JUND: variants seen among roughly 807,000 people sequenced by gnomAD.
JUND encodes the protein JunD proto-oncogene, AP-1 transcription factor subunit, also known as transcription factor JunD.
In JUND, 2 loss-of-function variants were observed where a neutral mutation model predicts 7.1. The observed-to-expected ratio is 0.28, with a 90% CI of 0.11 to 0.88. The LOEUF is 0.88. Ranked by LOEUF, JUND falls within the 40% of genes least tolerant of loss-of-function variation. The pLI, the probability that JUND is intolerant of heterozygous loss-of-function variation, is 0.60. For missense variants in JUND, 479 were observed against 519.1 expected (o/e 0.92, Z 0.75); for synonymous variants, 335 against 263.2 (o/e 1.27, Z -2.64).
chr19:18,281,213 G>C lies in JUND; in HGVS notation c.272C>G (p.Pro91Arg). 6.6e-7 allele frequency: 1 copy of C among 1,509,328 alleles called. No individual in the cohort carries two copies. The highest frequency in any genetic ancestry group is 8.8e-7 in the Non-Finnish European group (1 of 1,135,780). The allele number at this position is 1,509,328 out of a possible 1,614,324, so 93.5% of individuals were successfully genotyped here. ...AAPPDGLLAS[P>R]DLGLLKLASP... Reference sequence around the variant, plus strand: ...GGCCAGCTTCAGCAGCCCCAGGTCGGGAGAGGCGAGCAGGCCGTCGGGGGG... The same window carrying C: ...GGCCAGCTTCAGCAGCCCCAGGTCGCGAGAGGCGAGCAGGCCGTCGGGGGG... The change falls in exon 1 of 1, where the codon CCC (proline) becomes CGC (arginine). Residue 91 changes from proline (P) to arginine (R), a missense_variant. Physicochemically the swap from Pro to Arg is moderately radical, Grantham distance 103. Transcript: ENST00000252818.
chr19:18,280,530 C>G lies in JUND; in HGVS notation c.955G>C (p.Glu319Gln), dbSNP rs1249554360. The G allele has an allele frequency of 1.9e-6, 3 of 1,611,326 alleles. No individual in the cohort carries two copies. Among genetic ancestry groups the G allele is most frequent in the South Asian group, 2.2e-5 (2 of 90,776 alleles). ...ELASTASLLR[E>Q]QVAQLKQKVL... Reference sequence around the variant, plus strand: ...TTCTGCTTGAGCTGCGCCACCTGCTCGCGCAGCAGGCTCGCCGTGGACGCC... The same window carrying G: ...TTCTGCTTGAGCTGCGCCACCTGCTGGCGCAGCAGGCTCGCCGTGGACGCC... The change falls in exon 1 of 1, where the codon GAG becomes CAG. Residue 319 changes from glutamate (E) to glutamine (Q), a missense_variant. By Grantham distance (29) the Glu-to-Gln change is conservative. Coordinates refer to ENST00000252818, the MANE Select transcript of JUND (RefSeq NM_005354.6). This position sits in a 1 kb window ranked among gnomAD's most constrained non-coding sequence, Gnocchi z 4.1.
In JUND at chr19:18,281,615, C is replaced by A. The variant is rs888678393; in HGVS notation, c.-131G>T. 5.5e-6 allele frequency: 1 copy of A among 182,226 alleles called. No homozygotes were observed. The highest frequency in any genetic ancestry group is 6.7e-5 in the Admixed American group (1 of 14,966). 11.3% of individuals were successfully genotyped at this position (182,226 alleles called of 1,614,324 possible). ...GCAGCGCCCGGCCCTCCACTGGCGG[C>A]GGCTCCTGCGCCGCGCCACTTGTGC... On this transcript the variant is annotated 5_prime_UTR_variant, in exon 1 of 1. Coordinates refer to ENST00000252818, the MANE Select transcript of JUND (RefSeq NM_005354.6).
At position 18,281,453 on chromosome 19, in the gene JUND, A is replaced by C; in HGVS notation, c.32T>G (p.Leu11Arg). 1 of 1,369,506 alleles carries C rather than the reference A, an allele frequency of 7.3e-7. No homozygotes were observed. The highest frequency in any genetic ancestry group is 3.2e-5 in the East Asian group (1 of 31,434). The allele number at this position is 1,369,506 out of a possible 1,614,324, so 84.8% of individuals were successfully genotyped here. METPFYGDEA[L>R]SGLGGGASGS... ...ACTGGCGCCGCCGCCCAGGCCGCTCAGCGCCTCATCGCCGTAGAAGGGTGT... is the reference window on the plus strand; with the variant it reads ...ACTGGCGCCGCCGCCCAGGCCGCTCCGCGCCTCATCGCCGTAGAAGGGTGT... The change falls in exon 1 of 1, where the codon CTG (leucine) becomes CGG (arginine). Residue 11 changes from leucine (L) to arginine (R), a missense_variant. This residue lies in a region of JUND where 374 missense variants were observed against 365.4 expected (regional missense o/e 1.02). Coordinates refer to ENST00000252818, the MANE Select transcript of JUND (RefSeq NM_005354.6).
chr19:18,280,258 G>GAGTCCGGGGCGCCCCTTCCC lies in JUND; in HGVS notation c.*182_*183insGGGAAGGGGCGCCCCGGACT, dbSNP rs1486096669. 5.5e-6 allele frequency: 3 copies of GAGTCCGGGGCGCCCCTTCCC among 542,770 alleles called. No homozygotes were observed. Among genetic ancestry groups the GAGTCCGGGGCGCCCCTTCCC allele is most frequent in the African/African-American group, 5.5e-5 (2 of 36,458 alleles). 33.6% of individuals were successfully genotyped at this position (542,770 alleles called of 1,614,324 possible). A position where few individuals can be genotyped will look rare whatever the true frequency, so the allele number is the denominator to read the frequency against. On this transcript the variant is annotated 3_prime_UTR_variant, in exon 1 of 1. Transcript: ENST00000252818. This position sits in a 1 kb window ranked among gnomAD's most constrained non-coding sequence, Gnocchi z 4.1. ...CCGGGAGCAGGGGGTCCAGCTTGTC[G>GAGTCCGGGGCGCCCCTTCCC]AGTCCTGGGCACCCTCGGGGGGGGG...
chr19:18,280,425 C>G lies in JUND; in HGVS notation c.*16G>C. The G allele has an allele frequency of 6.5e-7, 1 of 1,543,664 alleles. No individual in the cohort carries two copies. Among genetic ancestry groups the G allele is most frequent in the South Asian group, 1.2e-5 (1 of 84,324 alleles). On this transcript the variant is annotated 3_prime_UTR_variant, in exon 1 of 1. Coordinates refer to ENST00000252818, the MANE Select transcript of JUND (RefSeq NM_005354.6). The surrounding 1 kb of genome is among the most constrained non-coding windows in gnomAD (Gnocchi z 4.1). ...CCCTTGGGGAGGGTGGCCGCGCATGCGCCCCGCGCGCGGACTCAGTACGCG... is the reference window on the plus strand; with the variant it reads ...CCCTTGGGGAGGGTGGCCGCGCATGGGCCCCGCGCGCGGACTCAGTACGCG...
Position 18,280,363 on chromosome 19 carries a change from A to C in JUND, c.*78T>G. On this transcript the variant is annotated 3_prime_UTR_variant, in exon 1 of 1. Transcript: ENST00000252818. The surrounding 1 kb of genome is among the most constrained non-coding windows in gnomAD (Gnocchi z 4.1). The stretch of plus-strand genomic sequence containing the variant: ...GGTCCCCAGGGCCGCACCCTCTCCA[A>C]GTCCGGGGCGCCCACGACACCCCCC... 6 of 1,474,058 alleles carry C rather than the reference A, an allele frequency of 4.1e-6. No homozygotes were observed. The South Asian group carries it at 7.6e-5, about 19-fold the overall frequency. The allele number at this position is 1,474,058 out of a possible 1,614,324, so 91.3% of individuals were successfully genotyped here.
At position 18,281,432 on chromosome 19, in the gene JUND, G is replaced by T; in HGVS notation, c.53C>A (p.Ala18Asp). 7.3e-7 allele frequency: 1 copy of T among 1,366,474 alleles called. No homozygotes were observed. The highest frequency in any genetic ancestry group is 9.4e-7 in the Non-Finnish European group (1 of 1,065,202). The allele number at this position is 1,366,474 out of a possible 1,614,324, so 84.6% of individuals were successfully genotyped here. The change falls in exon 1 of 1, where the codon GCC becomes GAC. Residue 18 changes from alanine to aspartate, a missense_variant. Around this residue, in one of 3 missense-constraint regions of JUND, gnomAD observed 374 missense variants for 365.4 expected, o/e 1.02. Coordinates refer to ENST00000252818, the MANE Select transcript of JUND (RefSeq NM_005354.6). The stretch of plus-strand genomic sequence containing the variant: ...CGCGAAGCTGCCGCCGCTGCCACTG[G>T]CGCCGCCGCCCAGGCCGCTCAGCGC... ...DEALSGLGGGASGSGGSFASP... is the reference protein window; with the variant it reads ...DEALSGLGGGDSGSGGSFASP...
chr19:18,281,197 C>T lies in JUND; in HGVS notation c.288G>A (p.Leu96=), dbSNP rs2148122411. 6.6e-7 allele frequency: 1 copy of T among 1,526,008 alleles called. No homozygotes were observed. The highest frequency in any genetic ancestry group is 8.7e-7 in the Non-Finnish European group (1 of 1,144,782). 94.5% of individuals were successfully genotyped at this position (1,526,008 alleles called of 1,614,324 possible). The change falls in exon 1 of 1, where the codon CTG becomes CTA. Residue 96 remains leucine, a synonymous_variant. Coordinates refer to ENST00000252818, the MANE Select transcript of JUND (RefSeq NM_005354.6). ...GCTCGAGCTCGGGGGAGGCCAGCTTCAGCAGCCCCAGGTCGGGAGAGGCGA... is the reference window on the plus strand; with the variant it reads ...GCTCGAGCTCGGGGGAGGCCAGCTTTAGCAGCCCCAGGTCGGGAGAGGCGA... ...GLLASPDLGL[L]KLASPELERL... is the part of the protein sequence containing the mutation.
At position 18,281,331 on chromosome 19, in the gene JUND, G is replaced by A; in HGVS notation, c.154C>T (p.Leu52=). Reference sequence around the variant, plus strand: ...GCCGCCACCTGCTCACTCAGGCTCAGCGTCAGCGCGTCCTTCTTCATCATG... The same window carrying A: ...GCCGCCACCTGCTCACTCAGGCTCAACGTCAGCGCGTCCTTCTTCATCATG... ...GSMMKKDALT[L]SLSEQVAAAL... Residue 52 remains leucine (L), a synonymous_variant, in exon 1 of 1, where the codon CTG becomes TTG. Coordinates refer to ENST00000252818, the MANE Select transcript of JUND (RefSeq NM_005354.6). 1 of 1,358,130 alleles carries A rather than the reference G, an allele frequency of 7.4e-7. No homozygotes were observed. Among genetic ancestry groups the A allele is most frequent in the Non-Finnish European group, 9.4e-7 (1 of 1,065,098 alleles). The allele number at this position is 1,358,130 out of a possible 1,614,324, so 84.1% of individuals were successfully genotyped here.
In JUND at chr19:18,280,139, A is replaced by G; in HGVS notation, c.*302T>C. The G allele has an allele frequency of 2.9e-6, 1 of 345,630 alleles. No homozygotes were observed. The highest frequency in any genetic ancestry group is 5.3e-6 in the Non-Finnish European group (1 of 187,840). 21.4% of individuals were successfully genotyped at this position (345,630 alleles called of 1,614,324 possible). ...CCCCCTTCCGCGGCGCGGTGTACAA[A>G]GGGGCAGCCGAGACGCGCGGGTTTG... On this transcript the variant is annotated 3_prime_UTR_variant, in exon 1 of 1. Coordinates refer to ENST00000252818, the MANE Select transcript of JUND (RefSeq NM_005354.6). This position sits in a 1 kb window ranked among gnomAD's most constrained non-coding sequence, Gnocchi z 4.1.
At position 18,281,536 on chromosome 19, in the gene JUND, G is replaced by A. The variant is rs1270548060; in HGVS notation, c.-52C>T. On this transcript the variant is annotated 5_prime_UTR_variant, in exon 1 of 1. Transcript: ENST00000252818. ...CGGGGGGGAGTGGCCGCGGCCTCCC[G>A]GGGGGCCCGCGCCCCCCCGTCCGCT... 10 of 987,378 alleles carry A rather than the reference G, an allele frequency of 1.0e-5. No individual in the cohort carries two copies. Among genetic ancestry groups the A allele is most frequent in the African/African-American group, 5.2e-5 (3 of 57,182 alleles). The allele number at this position is 987,378 out of a possible 1,614,324, so 61.2% of individuals were successfully genotyped here.
rs1226508474 is a variant in JUND, at chr19:18,280,237, G to A, written c.*204C>T. On this transcript the variant is annotated 3_prime_UTR_variant, in exon 1 of 1. Coordinates refer to ENST00000252818, the MANE Select transcript of JUND (RefSeq NM_005354.6). The surrounding 1 kb of genome is among the most constrained non-coding windows in gnomAD (Gnocchi z 4.1). Reference sequence around the variant, plus strand: ...GGGGGTCATGCGCTCGCCCCCCCGGGAGCAGGGGGTCCAGCTTGTCGAGTC... The same window carrying A: ...GGGGGTCATGCGCTCGCCCCCCCGGAAGCAGGGGGTCCAGCTTGTCGAGTC... The A allele has an allele frequency of 5.1e-6, 1 of 195,102 alleles. No homozygotes were observed. The highest frequency in any genetic ancestry group is 5.0e-5 in the African/African-American group (1 of 19,950). The allele number at this position is 195,102 out of a possible 1,614,324, so 12.1% of individuals were successfully genotyped here. A position where few individuals can be genotyped will look rare whatever the true frequency, so the allele number is the denominator to read the frequency against.
chr19:18,280,463 T>C lies in JUND; in HGVS notation c.1022A>G (p.Gln341Arg). 1 of 1,566,142 alleles carries C rather than the reference T, an allele frequency of 6.4e-7. No individual in the cohort carries two copies. The highest frequency in any genetic ancestry group is 8.7e-7 in the Non-Finnish European group (1 of 1,155,948). ...HVNSGCQLLP[Q>R]HQVPAY ...GACTCAGTACGCGGGCACCTGGTGC[T>C]GGGGCAGCAGCTGGCAGCCGCTGTT... The change falls in exon 1 of 1, where the codon CAG (glutamine) becomes CGG (arginine). Residue 341 changes from glutamine (Q) to arginine (R), a missense_variant. Around this residue, in one of 3 missense-constraint regions of JUND, gnomAD observed 42 missense variants for 37.1 expected, o/e 1.13. Coordinates refer to ENST00000252818, the MANE Select transcript of JUND (RefSeq NM_005354.6). This position sits in a 1 kb window ranked among gnomAD's most constrained non-coding sequence, Gnocchi z 4.1.
Position 18,280,402 on chromosome 19 carries a change from C to G in JUND, c.*39G>C, listed in dbSNP as rs1378171017. On this transcript the variant is annotated 3_prime_UTR_variant, in exon 1 of 1. Transcript: ENST00000252818. The surrounding 1 kb of genome is among the most constrained non-coding windows in gnomAD (Gnocchi z 4.1). ...ACGACACCCCCCCGCGAGCCCGCCC[C>G]TTGGGGAGGGTGGCCGCGCATGCGC... The G allele has an allele frequency of 3.9e-6, 6 of 1,535,520 alleles. No individual in the cohort carries two copies. The highest frequency in any genetic ancestry group is 5.2e-6 in the Non-Finnish European group (6 of 1,144,534).
At position 18,280,611 on chromosome 19, in the gene JUND, G is replaced by A; in HGVS notation, c.874C>T (p.Arg292Cys). Residue 292 changes from arginine to cysteine, a missense_variant, in exon 1 of 1, where the codon CGC becomes TGC. Arg to Cys is a radical substitution (Grantham distance 180, BLOSUM62 -3). Around this residue, in one of 3 missense-constraint regions of JUND, gnomAD observed 63 missense variants for 116.6 expected, o/e 0.54. Coordinates refer to ENST00000252818, the MANE Select transcript of JUND (RefSeq NM_005354.6). The surrounding 1 kb of genome is among the most constrained non-coding windows in gnomAD (Gnocchi z 4.1). ...ACTTTCTCTTCCAGGCGCGAGATGC[G>A]CTCCAGCTTGCGCTTGCGGCACTTG... is the stretch of plus-strand genomic sequence containing the variant. ...ASKCRKRKLE[R>C]ISRLEEKVKT... The A allele has an allele frequency of 6.2e-7, 1 of 1,612,918 alleles. No individual in the cohort carries two copies. Among genetic ancestry groups the A allele is most frequent in the Non-Finnish European group, 8.5e-7 (1 of 1,179,774 alleles).
rs530010094 is a variant in JUND at position 18,281,593 on chromosome 19, G to A, written c.-109C>T. 199 of 261,378 alleles carry A rather than the reference G, an allele frequency of 7.6e-4. No homozygotes were observed. The highest frequency in any genetic ancestry group is 4.1e-3 in the African/African-American group (175 of 43,024). The allele number at this position is 261,378 out of a possible 1,614,324, so 16.2% of individuals were successfully genotyped here. ...TGCGCCCGCCCCGGCCGCGGCCGCAGCGCCCGGCCCTCCACTGGCGGCGGC... is the reference window on the plus strand; with the variant it reads ...TGCGCCCGCCCCGGCCGCGGCCGCAACGCCCGGCCCTCCACTGGCGGCGGC... On this transcript the variant is annotated 5_prime_UTR_variant, in exon 1 of 1. Transcript: ENST00000252818.
Position 18,280,483 on chromosome 19 carries a change from G to A in JUND, c.1002C>T (p.Ser334=), listed in dbSNP as rs766642314. ...LKQKVLSHVN[S]GCQLLPQHQV... ...GGTGCTGGGGCAGCAGCTGGCAGCC[G>A]CTGTTGACGTGGCTGAGGACTTTCT... The change falls in exon 1 of 1, where the codon AGC becomes AGT. Residue 334 remains serine (S), a synonymous_variant. Transcript: ENST00000252818. This position sits in a 1 kb window ranked among gnomAD's most constrained non-coding sequence, Gnocchi z 4.1. 29 of 1,584,864 alleles carry A rather than the reference G, an allele frequency of 1.8e-5. No individual in the cohort carries two copies. The Admixed American group carries it at 3.6e-4, about 20-fold the overall frequency.
In JUND at chr19:18,280,451, G is replaced by A. The variant is rs1407563808; in HGVS notation, c.1034C>T (p.Pro345Leu). 6.4e-7 allele frequency: 1 copy of A among 1,557,434 alleles called. No homozygotes were observed. Among genetic ancestry groups the A allele is most frequent in the Non-Finnish European group, 8.7e-7 (1 of 1,151,592 alleles). ...GCQLLPQHQV[P>L]AY ...GCCCCGCGCGCGGACTCAGTACGCG[G>A]GCACCTGGTGCTGGGGCAGCAGCTG... The change falls in exon 1 of 1, where the codon CCC (proline) becomes CTC (leucine). Residue 345 changes from proline (P) to leucine (L), a missense_variant. Pro to Leu is a moderately conservative substitution (Grantham distance 98). This residue lies in a region of JUND where 42 missense variants were observed against 37.1 expected (regional missense o/e 1.13). Transcript: ENST00000252818. The surrounding 1 kb of genome is among the most constrained non-coding windows in gnomAD (Gnocchi z 4.1).
rs779174938 is a variant in JUND, at chr19:18,280,561, C to A, written c.924G>T (p.Thr308=). The A allele has an allele frequency of 1.9e-6, 3 of 1,612,796 alleles. No individual in the cohort carries two copies. The highest frequency in any genetic ancestry group is 2.5e-6 in the Non-Finnish European group (3 of 1,179,750). The change falls in exon 1 of 1, where the codon ACG becomes ACT. Residue 308 remains threonine (T), a synonymous_variant. Coordinates refer to ENST00000252818, the MANE Select transcript of JUND (RefSeq NM_005354.6). This position sits in a 1 kb window ranked among gnomAD's most constrained non-coding sequence, Gnocchi z 4.1. ...GCAGGCTCGCCGTGGACGCCAGCTC[C>A]GTGTTCTGACTCTTGAGGGTCTTCA... ...EKVKTLKSQN[T]ELASTASLLR...
Sources: gnomAD v4.1 joint callset for allele counts on GRCh38, gnomAD v4.1.1 for gene constraint, gnomAD v4.1.1 regional missense constraint, Gnocchi (gnomAD v3.1) non-coding constraint, MANE v1.5 for transcripts, NCBI Gene and HGNC (gene_info 2026-07-23, HGNC 2026-07-21) for gene names.